ADAMTS6: variants seen among roughly 807,000 people sequenced by gnomAD.
The protein encoded by ADAMTS6 is A disintegrin and metalloproteinase with thrombospondin motifs 6.
ADAMTS6 carries 23 observed loss-of-function variants against 144.3 expected under a neutral mutation model. That is an observed-to-expected ratio of 0.16 (90% CI 0.11 to 0.23). The LOEUF (loss-of-function observed/expected upper bound fraction) is 0.23, where lower values mean the gene tolerates loss of function less well. ADAMTS6 is among the 10% of genes least tolerant of loss of function. ADAMTS6 has a pLI of 1.00. For missense variants in ADAMTS6, 999 were observed against 1,379.6 expected (o/e 0.72, Z 4.37); for synonymous variants, 444 against 457.5 (o/e 0.97, Z 0.38).
At chr5:65,341,054 G>C (rs184438946) in intron 7 of ADAMTS6, among the ~76,000 whole-genome samples, 37 of 151,838 alleles carry the variant, frequency 2.4e-4, no homozygotes, top group Admixed American at 4.6e-4. Context: ...TGTTCAAGAA[G>C]AACACTCAAA....
At chr5:65,377,426 T>C (rs912174252) in intron 7 of ADAMTS6, among the ~76,000 whole-genome samples, 10 of 152,160 alleles carry the variant, frequency 6.6e-5, no homozygotes, top group South Asian at 2.1e-4. Context: ...TGGAGAGACA[T>C]TACTATCTTT....
At chr5:65,398,681 C>T (rs1216668487) in intron 7 of ADAMTS6, among the ~76,000 whole-genome samples, 1 of 151,086 alleles carries the variant, frequency 6.6e-6, no homozygotes, top group Non-Finnish European at 1.5e-5. Flanking sequence ...CACTGCACTC[C>T]AGTCTGGATG....
chr5:65,279,677 T>C (rs1161987365), intron 11 of ADAMTS6, among the ~76,000 whole-genome samples: 1 of 152,228 alleles, frequency 6.6e-6, no homozygotes, highest in Non-Finnish European at 1.5e-5. Context: ...CTCTGATTTC[T>C]ATGTCTTTCT....
intron 9 of ADAMTS6, among the ~76,000 whole-genome samples, chr5:65,310,102 G>A (rs1284503422): frequency 3.3e-5 from 5 of 151,722 alleles, no homozygotes; most frequent in African/African-American, 1.2e-4. Flanking sequence ...TTAAAAGTGT[G>A]TGGCACCTCC....
At chr5:65,188,359 A>C (rs1157175482) in intron 21 of ADAMTS6, 139 bp from the exon 22 acceptor site, 5 of 788,140 alleles carry the variant, frequency 6.3e-6, no homozygotes, top group Non-Finnish European at 1.0e-5. Context: ...GGCAAATGAA[A>C]GAGCTGCTAA....
chr5:65,336,270 C>A (rs991994254), intron 7 of ADAMTS6, among the ~76,000 whole-genome samples: 6 of 152,188 alleles, frequency 3.9e-5, no homozygotes, highest in Admixed American at 1.3e-4. Flanking sequence ...GTACAACCAA[C>A]TTTAATCAGA....
chr5:65,160,653 A>AT (rs10644572), intron 24 of ADAMTS6, among the ~76,000 whole-genome samples: 12,493 of 125,862 alleles, frequency 0.099, 805 homozygotes, highest in Non-Finnish European at 0.12. Context: ...TCTTTCCTCC[A>AT]TTTTTTTTTT....
intron 20 of ADAMTS6, among the ~76,000 whole-genome samples, chr5:65,204,227 G>A (rs190957165): frequency 6.6e-6 from 1 of 152,266 alleles, no homozygotes; most frequent in East Asian, 1.9e-4. Flanking sequence ...AAATATGCAG[G>A]ATAATTCAAA....
At chr5:65,393,187 T>C (rs16893787) in intron 7 of ADAMTS6, among the ~76,000 whole-genome samples, 8,375 of 152,260 alleles carry the variant, frequency 0.055, 288 homozygotes, top group East Asian at 0.1. Context: ...CTCTCTAGGC[T>C]TAAAATATTA....
At chr5:65,315,677 T>C (rs925500162) in intron 9 of ADAMTS6, among the ~76,000 whole-genome samples, 10 of 139,848 alleles carry the variant, frequency 7.2e-5, no homozygotes, top group Admixed American at 6.7e-4. Flanking sequence ...CTAACACTAA[T>C]CTAAAGAAAA....
chr5:65,417,374 GC>G (rs1755627357), intron 7 of ADAMTS6, among the ~76,000 whole-genome samples: 1 of 152,142 alleles, frequency 6.6e-6, no homozygotes, highest in Admixed American at 6.5e-5. Flanking sequence ...GGAAGAGCTA[GC>G]CAGAGCAATC....
At chr5:65,207,925 A>C (rs553096943) in intron 20 of ADAMTS6, among the ~76,000 whole-genome samples, 1 of 152,374 alleles carries the variant, frequency 6.6e-6, no homozygotes, top group South Asian at 2.1e-4. Context: ...CAGTTTTAAA[A>C]GCATTTATTA....
At chr5:65,318,503 T>A (rs547288776) in intron 9 of ADAMTS6, among the ~76,000 whole-genome samples, 4 of 152,120 alleles carry the variant, frequency 2.6e-5, no homozygotes, top group African/African-American at 9.6e-5. Flanking sequence ...GAAGAATAAA[T>A]AGAGAAAATC....
Position 65,460,222 on chromosome 5 carries a change from C to G in ADAMTS6, c.579G>C (p.Lys193Asn). Residue 193 changes from lysine (K) to asparagine (N), a missense_variant, in exon 4 of 25, where the codon AAG (lysine) becomes AAC (asparagine). Lys to Asn is a moderately conservative substitution (Grantham distance 94, BLOSUM62 0). This residue lies in a region of ADAMTS6 where 252 missense variants were observed against 293.7 expected (regional missense o/e 0.86). Coordinates refer to ENST00000381055, the MANE Select transcript of ADAMTS6 (RefSeq NM_197941.4). ...ENGHPHVIYK[K>N]SALQQRHLYD... ...ACAGATGTCGTTGTTGAAGGGCAGA[C>G]TTTTTGTAAATAACATGAGGGTGGC... The G allele has an allele frequency of 6.2e-7, 1 of 1,614,088 alleles. No homozygotes were observed. Among genetic ancestry groups the G allele is most frequent in the East Asian group, 2.2e-5 (1 of 44,858 alleles).
chr5:65,370,480 G>C (rs938786576), intron 7 of ADAMTS6, among the ~76,000 whole-genome samples: 43 of 152,298 alleles, frequency 2.8e-4, no homozygotes, highest in Admixed American at 7.2e-4. Context: ...AAGGGGTCAG[G>C]GAGTTCCCTT....
Position 65,197,115 on chromosome 5 carries a change from T to C in ADAMTS6, c.2612A>G (p.Asp871Gly). ...ATTGTTCTGGACAATGGAGTTGTCA[T>C]CCAACCTTTTACAGACCACCTCCTG... ...QRQEVVCKRL[D>G]DNSIVQNNYC... is the part of the protein sequence containing the mutation. The change falls in exon 21 of 25, where the codon GAT (aspartate) becomes GGT (glycine). Residue 871 changes from aspartate to glycine, a missense_variant. Asp to Gly is a moderately conservative substitution (Grantham distance 94). Coordinates refer to ENST00000381055, the MANE Select transcript of ADAMTS6 (RefSeq NM_197941.4). 1.2e-6 allele frequency: 2 copies of C among 1,614,014 alleles called. No individual in the cohort carries two copies. The highest frequency in any genetic ancestry group is 1.7e-6 in the Non-Finnish European group (2 of 1,179,904).
intron 7 of ADAMTS6, among the ~76,000 whole-genome samples, chr5:65,365,729 C>T (rs1336157543): frequency 2.0e-5 from 3 of 151,808 alleles, no homozygotes; most frequent in African/African-American, 4.8e-5. Flanking sequence ...ACTAGGAACC[C>T]TGTTATAAGG....
At chr5:65,365,498 T>G (rs1445024307) in intron 7 of ADAMTS6, among the ~76,000 whole-genome samples, 1 of 151,872 alleles carries the variant, frequency 6.6e-6, no homozygotes, top group African/African-American at 2.4e-5. Context: ...ACACAAAAAA[T>G]TAGCCAGTCA....
At chr5:65,460,050 C>A in intron 4 of ADAMTS6, 120 bp downstream of exon 4, 2 of 1,100,798 alleles carry the variant, frequency 1.8e-6, no homozygotes, top group South Asian at 4.9e-5. Context: ...GGGCTCTGGA[C>A]ATTATAATTG....
Sources: allele counts gnomAD v4.1 joint callset (sites outside exome capture counted in the v4.1 genomes callset), GRCh38; gene constraint gnomAD v4.1.1; regional missense constraint gnomAD v4.1.1; transcripts MANE v1.5; gene names NCBI Gene and HGNC (gene_info 2026-07-23, HGNC 2026-07-21).